Variants in AHNAK2 observed in about 807,000 individuals in gnomAD.
AHNAK2 encodes the protein AHNAK nucleoprotein 2.
A neutral mutation model predicts 30.7 loss-of-function variants in AHNAK2; 18 were observed. The observed-to-expected ratio is 0.59, with a 90% CI of 0.41 to 0.87. AHNAK2 has a LOEUF of 0.87. Among genes scored for constraint, AHNAK2 ranks in the 40% least tolerant of loss-of-function variants. The pLI is 0.00. For synonymous variants in AHNAK2, 3,590 were observed against 3,073.8 expected, an observed-to-expected ratio of 1.17 and a Z score of -5.56; for missense variants, 8,604 against 7,373.0, an observed-to-expected ratio of 1.17 and a Z score of -6.11.
At position 104,949,651 on chromosome 14, in the gene AHNAK2, C is replaced by T. The variant is rs771306362; in HGVS notation, c.5800G>A (p.Asp1934Asn). 1 of 1,588,312 alleles carries T rather than the reference C, an allele frequency of 6.3e-7. No homozygotes were observed. Among genetic ancestry groups the T allele is most frequent in the Non-Finnish European group, 8.6e-7 (1 of 1,163,186 alleles). The stretch of plus-strand genomic sequence containing the variant: ...ACTTCCGCCTTGGGGCCTTTCAGGT[C>T]CAGCTTGGCGCCCTTAACATCTGTC... ...PQTDVKGAKL[D>N]LKGPKAEVTA... is the part of the protein sequence containing the mutation. The change falls in exon 7 of 7, where the codon GAC becomes AAC. Residue 1934 changes from aspartate to asparagine, a missense_variant. Physicochemically the swap from Asp to Asn is conservative, Grantham distance 23. Transcript: ENST00000333244.
In AHNAK2 at chr14:104,944,458, C is replaced by G. The variant is rs1195144133; in HGVS notation, c.10993G>C (p.Ala3665Pro). The change falls in exon 7 of 7, where the codon GCA (alanine) becomes CCA (proline). Residue 3665 changes from alanine to proline, a missense_variant. Transcript: ENST00000333244. Reference sequence around the variant, plus strand: ...CTCACATCGGCTTCCACCTTGGGTGCAGACACATCCACCGAGGCCTCCATG... The same window carrying G: ...CTCACATCGGCTTCCACCTTGGGTGGAGACACATCCACCGAGGCCTCCATG... The part of the protein sequence containing the change: ...KSMEASVDVS[A>P]PKVEADVSLP... The G allele has an allele frequency of 2.5e-6, 4 of 1,613,036 alleles. No individual in the cohort carries two copies. The highest frequency in any genetic ancestry group is 1.3e-5 in the African/African-American group (1 of 74,708).
intron 1 of AHNAK2, among the ~76,000 whole-genome samples, chr14:104,973,833 T>C (rs1321274209): frequency 1.2e-4 from 18 of 152,048 alleles, no homozygotes; most frequent in Non-Finnish European, 1.5e-5. Flanking sequence ...CAAGCACACA[T>C]TGGGTCAGCA....
In AHNAK2 at chr14:104,967,118, G is replaced by A. The variant is rs371848160; in HGVS notation, c.56-9446C>T. Among the ~76,000 whole-genome samples, 35 of 152,310 alleles carry A rather than the reference G, an allele frequency of 2.3e-4. No homozygotes were observed. In the South Asian group the frequency reaches 6.4e-3, roughly 28 times the overall value. On this transcript the variant is annotated intron_variant, in intron 1 of 6. Coordinates refer to ENST00000333244, the MANE Select transcript of AHNAK2 (RefSeq NM_138420.4). ...GAGGGGCTCCACTGCCTCGGAGACCGGGTGTCCCAGGCCCTGCCTAGCACT... is the reference window on the plus strand; with the variant it reads ...GAGGGGCTCCACTGCCTCGGAGACCAGGTGTCCCAGGCCCTGCCTAGCACT...
In AHNAK2 at chr14:104,953,360, C is replaced by G. The variant is rs188074688; in HGVS notation, c.2091G>C (p.Ser697=). ...CCACCTTCGGCGCAGACACATCCAC[C>G]GAGGCCTCCATGGACTTGCCTGGGG... The part of the protein sequence containing the change: ...ASAPGKSMEA[S]VDVSAPKVEA... Residue 697 remains serine, a synonymous_variant, in exon 7 of 7, where the codon TCG becomes TCC. Transcript: ENST00000333244. The G allele has an allele frequency of 1.2e-6, 2 of 1,613,700 alleles. No individual in the cohort carries two copies. Among genetic ancestry groups the G allele is most frequent in the Admixed American group, 3.3e-5 (2 of 59,996 alleles).
At chr14:104,973,804 G>A (rs1370040185) in intron 1 of AHNAK2, among the ~76,000 whole-genome samples, 3 of 152,188 alleles carry the variant, frequency 2.0e-5, no homozygotes, top group Non-Finnish European at 4.4e-5. Context: ...AGGAGGCCCC[G>A]ATGCCACTCC....
rs199939320 is a variant in AHNAK2 at position 104,949,520 on chromosome 14, G to C, written c.5931C>G (p.Ala1977=). ...TGTCTTTGGCAGTCATGTCCTTGTC[G>C]GCCAGGGACAGGTCTCCCTCCAGCC... ...GARLEGDLSL[A]DKDMTAKDSK... is the part of the protein sequence containing the mutation. Residue 1977 remains alanine, a synonymous_variant, in exon 7 of 7, where the codon GCC becomes GCG. Coordinates refer to ENST00000333244, the MANE Select transcript of AHNAK2 (RefSeq NM_138420.4). 1.3e-5 allele frequency: 20 copies of C among 1,587,928 alleles called. 2 individuals are homozygous for C. Among genetic ancestry groups the C allele is most frequent in the South Asian group, 5.6e-5 (5 of 89,920 alleles).
At position 104,950,691 on chromosome 14, in the gene AHNAK2, G is replaced by T. The variant is rs540196685; in HGVS notation, c.4760C>A (p.Pro1587His). The change falls in exon 7 of 7, where the codon CCC (proline) becomes CAC (histidine). Residue 1587 changes from proline (P) to histidine (H), a missense_variant. Pro to His is a moderately conservative substitution (Grantham distance 77). Transcript: ENST00000333244. ...PKVQMPSFKM[P>H]KVDLKGPQID... ...CTGGGGCCCCTTGAGGTCCACTTTG[G>T]GCATCTTGAAACTGGGCATCTGCAC... The T allele has an allele frequency of 1.8e-5, 28 of 1,587,732 alleles. No homozygotes were observed. The East Asian group carries it at 5.4e-4, about 31-fold the overall frequency.
At chr14:104,973,253 T>C (rs760241221) in intron 1 of AHNAK2, among the ~76,000 whole-genome samples, 1 of 152,186 alleles carries the variant, frequency 6.6e-6, no homozygotes, top group Non-Finnish European at 1.5e-5. Context: ...TCAGAGCTGC[T>C]AGGACCCAGG....
rs1480908144 is a variant in AHNAK2, at chr14:104,947,437, C to G, written c.8014G>C (p.Asp2672His). The change falls in exon 7 of 7, where the codon GAT (aspartate) becomes CAT (histidine). Residue 2672 changes from aspartate to histidine, a missense_variant. Asp to His is a moderately conservative substitution (Grantham distance 81). Transcript: ENST00000333244. ...GCTTCCACCTTCAGCTCAGACACAT[C>G]CACCAACGCCTCGATGGACTCGCCT... is the stretch of plus-strand genomic sequence containing the variant. The part of the protein sequence containing the change: ...APGESIEALV[D>H]VSELKVEADM... The G allele has an allele frequency of 3.1e-6, 5 of 1,612,574 alleles. No individual in the cohort carries two copies. The highest frequency in any genetic ancestry group is 1.7e-6 in the Non-Finnish European group (2 of 1,179,514).
intron 1 of AHNAK2, among the ~76,000 whole-genome samples, chr14:104,975,000 C>T (rs1167098789): frequency 1.3e-5 from 2 of 152,368 alleles, no homozygotes; most frequent in South Asian, 2.1e-4. Flanking sequence ...GGACACAGAG[C>T]GGGCCAGAGT....
Position 104,939,625 on chromosome 14 carries a change from T to G in AHNAK2, c.15826A>C (p.Thr5276Pro). The G allele has an allele frequency of 6.2e-7, 1 of 1,613,894 alleles. No individual in the cohort carries two copies. The change falls in exon 7 of 7, where the codon ACA becomes CCA. Residue 5276 changes from threonine (T) to proline (P), a missense_variant. By Grantham distance (38) the Thr-to-Pro change is conservative. Coordinates refer to ENST00000333244, the MANE Select transcript of AHNAK2 (RefSeq NM_138420.4). The part of the protein sequence containing the change: ...TDILRCDLDS[T>P]GLKLHLSTAG... ...GTGGAGAGGTGCAGCTTCAAGCCTG[T>G]GCTGTCAAGATCACACCTTAGAATA...
rs369332533 is a variant in AHNAK2 at position 104,942,451 on chromosome 14, G to A, written c.13000C>T (p.Leu4334Phe). The A allele has an allele frequency of 7.4e-6, 12 of 1,612,570 alleles. No homozygotes were observed. The African/African-American group carries it at 1.1e-4, about 14-fold the overall frequency. The stretch of plus-strand genomic sequence containing the variant: ...TTCAGGTCCCCCTGCATGGAGGGGA[G>A]GCTCACGTCAGCCTCCACCTTCAGC... ...SALKVEADVS[L>F]PSMQGDLKTT... The change falls in exon 7 of 7, where the codon CTC (leucine) becomes TTC (phenylalanine). Residue 4334 changes from leucine to phenylalanine, a missense_variant. Physicochemically the swap from Leu to Phe is conservative, Grantham distance 22. Coordinates refer to ENST00000333244, the MANE Select transcript of AHNAK2 (RefSeq NM_138420.4).
Position 104,943,596 on chromosome 14 carries a change from C to T in AHNAK2, c.11855G>A (p.Gly3952Glu), listed in dbSNP as rs760808407. The T allele has an allele frequency of 1.4e-5, 22 of 1,613,282 alleles. No homozygotes were observed. In the South Asian group the frequency reaches 1.6e-4, roughly 12 times the overall value. ...GAKLDGARLE[G>E]DLSLADKDMT... ...GTCCTTGTCGGCCAGGGACAGGTCC[C>T]CCTCCAGCCGCGCACCATCCAGCTT... The change falls in exon 7 of 7, where the codon GGG becomes GAG. Residue 3952 changes from glycine (G) to glutamate (E), a missense_variant. By Grantham distance (98) the Gly-to-Glu change is moderately conservative. Transcript: ENST00000333244.
chr14:104,956,775 C>A (rs764759198), intron 3 of AHNAK2, 86 bp from the exon 4 acceptor site: 4 of 1,334,208 alleles, frequency 3.0e-6, no homozygotes, highest in Non-Finnish European at 1.1e-6. Context: ...AGACCAGGAG[C>A]CCTCCCTTCA....
chr14:104,978,075 C>G, intron 1 of AHNAK2, 108 bp downstream of exon 1: 1 of 956,438 alleles, frequency 1.0e-6, no homozygotes, highest in Non-Finnish European at 1.3e-6. Flanking sequence ...CTCCGAGTCC[C>G]CCGCCCCCAA....
In AHNAK2 at chr14:104,941,118, TGAGGACCAG is replaced by T; in HGVS notation, c.14324_14332del (p.Thr4775_His4778delinsAsn). 2 of 1,613,472 alleles carry T rather than the reference TGAGGACCAG, an allele frequency of 1.2e-6. No homozygotes were observed. The highest frequency in any genetic ancestry group is 1.7e-6 in the Non-Finnish European group (2 of 1,179,866). On this transcript the variant is annotated inframe_deletion, in exon 7 of 7. Transcript: ENST00000333244. ...GGGAGAGAGAATAGAAGATTCAAAG[TGAGGACCAG>T]TGAGATCAAGCCGGGATGATGGAAA...
intron 5 of AHNAK2, 63 bp downstream of exon 5, chr14:104,955,420 C>T (rs1898941836): frequency 1.3e-6 from 2 of 1,551,358 alleles, no homozygotes; most frequent in African/African-American, 1.4e-5. Context: ...CAATACCCCC[C>T]TCCAGGTCCC....
In AHNAK2 at chr14:104,948,803, C is replaced by T. The variant is rs550923990; in HGVS notation, c.6648G>A (p.Gln2216=). The part of the protein sequence containing the change: ...LSADVKVQAG[Q]VDVKLLEGPV... ...GGCCCTCCAGGAGTTTCACGTCCAC[C>T]TGGCCAGCCTGGACCTTCACGTCGG... Residue 2216 remains glutamine (Q), a synonymous_variant, in exon 7 of 7, where the codon CAG becomes CAA. Transcript: ENST00000333244. 8.6e-4 allele frequency: 1,379 copies of T among 1,609,638 alleles called. 7 individuals carry two copies. The highest frequency in any genetic ancestry group is 1.8e-3 in the South Asian group (163 of 91,008).
At chr14:104,974,422 C>A (rs1283525537) in intron 1 of AHNAK2, among the ~76,000 whole-genome samples, 1 of 152,264 alleles carries the variant, frequency 6.6e-6, no homozygotes, top group Admixed American at 6.5e-5. Flanking sequence ...CACCCCACCC[C>A]GTCCCAGATG....
Sources: allele counts gnomAD v4.1 joint callset (sites outside exome capture counted in the v4.1 genomes callset), GRCh38; gene constraint gnomAD v4.1.1; transcripts MANE v1.5; gene names NCBI Gene and HGNC (gene_info 2026-07-23, HGNC 2026-07-21).